Variants in TTC28 observed in about 807,000 individuals in gnomAD.
The protein encoded by TTC28 is tetratricopeptide repeat domain 28.
TTC28 carries 61 observed loss-of-function variants against 198.0 expected under a neutral mutation model. The ratio of observed to expected loss-of-function variants is 0.31; its 90% CI spans 0.25 to 0.38. TTC28 has a LOEUF of 0.38. Among genes scored for constraint, TTC28 ranks in the 10% least tolerant of loss-of-function variants. TTC28 has a pLI of 1.00. For synonymous variants in TTC28, 1,171 were observed against 1,297.8 expected, an observed-to-expected ratio of 0.90 and a Z score of 2.10; for missense variants, 2,678 against 3,164.0, an observed-to-expected ratio of 0.85 and a Z score of 3.69.
rs527275984 is a variant in TTC28, at chr22:28,061,571, G to C, written c.3933-31205C>G. Among the ~76,000 whole-genome samples the C allele has an allele frequency of 9.0e-4, 137 of 152,248 alleles. 1 individual carries two copies. Among genetic ancestry groups the C allele is most frequent in the African/African-American group, 3.1e-3 (130 of 41,550 alleles). ...CTGAGGGCTCTGTTTCGTTCCATTG[G>C]TCTGTATCTCTGTTTTGGTACCAGT... On this transcript the variant is annotated intron_variant, in intron 12 of 22. Transcript: ENST00000397906.
chr22:28,302,149 G>T (rs1285266605), intron 3 of TTC28, among the ~76,000 whole-genome samples: 5 of 151,978 alleles, frequency 3.3e-5, no homozygotes, highest in Admixed American at 6.6e-5. Flanking sequence ...ACTCTGTCAG[G>T]GTAGGTCTGG....
chr22:28,207,251 A>C (rs1926501548), intron 5 of TTC28, among the ~76,000 whole-genome samples: 3 of 151,756 alleles, frequency 2.0e-5, no homozygotes, highest in African/African-American at 4.8e-5. Flanking sequence ...ACAAAAAAAA[A>C]CAGGCCTTCA....
intron 1 of TTC28, among the ~76,000 whole-genome samples, chr22:28,652,564 A>G (rs867814292): frequency 1.3e-5 from 2 of 152,242 alleles, no homozygotes; most frequent in African/African-American, 4.8e-5. Flanking sequence ...CTAAATGTCT[A>G]TGGAAACATT....
intron 2 of TTC28, among the ~76,000 whole-genome samples, chr22:28,504,985 G>T (rs9306458): frequency 0.26 from 39,855 of 151,836 alleles, 6,564 homozygotes; most frequent in South Asian, 0.39. Flanking sequence ...GCCGGGTGCC[G>T]TGACTCACGC....
intron 2 of TTC28, among the ~76,000 whole-genome samples, chr22:28,381,203 G>A (rs1380510551): frequency 6.6e-6 from 1 of 151,928 alleles, no homozygotes; most frequent in Non-Finnish European, 1.5e-5. Flanking sequence ...TGGAAATGAG[G>A]AATTTGAGGT....
chr22:28,600,997 A>G (rs1202691104), intron 2 of TTC28, among the ~76,000 whole-genome samples: 2 of 152,172 alleles, frequency 1.3e-5, no homozygotes, highest in African/African-American at 4.8e-5. Flanking sequence ...AAAAATTATG[A>G]TTCTTACTCA....
At chr22:28,462,283 A>G (rs549857065) in intron 2 of TTC28, among the ~76,000 whole-genome samples, 1 of 152,300 alleles carries the variant, frequency 6.6e-6, no homozygotes, top group Admixed American at 6.5e-5. Flanking sequence ...CAAGTGTTAT[A>G]TGCCACATCT....
At chr22:28,213,684 C>T (rs901876856) in intron 5 of TTC28, among the ~76,000 whole-genome samples, 1 of 148,384 alleles carries the variant, frequency 6.7e-6, no homozygotes, top group Non-Finnish European at 1.5e-5. Flanking sequence ...GAATCAATAT[C>T]ATGAAAATGG....
At chr22:28,648,096 C>T (rs1277222519) in intron 1 of TTC28, among the ~76,000 whole-genome samples, 1 of 150,850 alleles carries the variant, frequency 6.6e-6, no homozygotes, top group Admixed American at 6.6e-5. Flanking sequence ...TGGTAGTGGG[C>T]GCCTGTAGTC....
intron 2 of TTC28, among the ~76,000 whole-genome samples, chr22:28,610,526 G>A (rs1043403088): frequency 2.0e-5 from 3 of 152,134 alleles, no homozygotes; most frequent in Non-Finnish European, 4.4e-5. Context: ...AACAAACAGA[G>A]AGGAATAGCA....
chr22:28,390,238 T>C (rs2046692806), intron 2 of TTC28, among the ~76,000 whole-genome samples: 2 of 152,144 alleles, frequency 1.3e-5, no homozygotes, highest in African/African-American at 4.8e-5. Context: ...TCTTTTACAT[T>C]TGCTGAGGAG....
chr22:28,568,899 C>T (rs1056572326), intron 2 of TTC28, among the ~76,000 whole-genome samples: 2 of 152,098 alleles, frequency 1.3e-5, no homozygotes, highest in Admixed American at 6.5e-5. Flanking sequence ...GTAATCCCAG[C>T]ACTTTGGGAG....
At chr22:28,207,711 G>C (rs1445835961) in intron 5 of TTC28, among the ~76,000 whole-genome samples, 3 of 152,106 alleles carry the variant, frequency 2.0e-5, no homozygotes, top group Admixed American at 6.5e-5. Flanking sequence ...CATGATCCAG[G>C]GACACGTGGG....
chr22:28,373,913 T>C (rs1203419874), intron 2 of TTC28, among the ~76,000 whole-genome samples: 1 of 152,118 alleles, frequency 6.6e-6, no homozygotes, highest in Admixed American at 6.5e-5. Context: ...CAGAAAAAAA[T>C]GGGAAACGTC....
intron 2 of TTC28, among the ~76,000 whole-genome samples, chr22:28,442,482 T>C (rs1163683897): frequency 6.6e-6 from 1 of 152,086 alleles, no homozygotes; most frequent in Non-Finnish European, 1.5e-5. Context: ...GGGAAATAGG[T>C]GTTATAACAC....
At chr22:28,540,147 C>G (rs932211723) in intron 2 of TTC28, among the ~76,000 whole-genome samples, 1 of 151,896 alleles carries the variant, frequency 6.6e-6, no homozygotes, top group Non-Finnish European at 1.5e-5. Flanking sequence ...GGGGTTTCAT[C>G]GTATTAGCCA....
chr22:28,002,726 A>G (rs1937761462), intron 14 of TTC28: 1 of 152,180 alleles, frequency 6.6e-6, no homozygotes, highest in South Asian at 2.1e-4. Flanking sequence ...TGGGCCAGGC[A>G]CCAGTGGCTC....
chr22:28,283,283 A>G (rs2044619191), intron 5 of TTC28, among the ~76,000 whole-genome samples: 1 of 151,906 alleles, frequency 6.6e-6, no homozygotes, highest in Admixed American at 6.6e-5. Flanking sequence ...CTCCTGTACT[A>G]TTAGAAGTAA....
In TTC28 at chr22:27,982,225, C is replaced by CATTT; in HGVS notation, c.7438_7441dup (p.Cys2481Ter). The stretch of plus-strand genomic sequence containing the variant: ...TCAGTGGGTATAAAAGATGCTTTAG[C>CATTT]ATTTGGAAGAAGGGAAAAATCTTCC... On this transcript the variant is annotated stop_gained and frameshift_variant, in exon 23 of 23. Coordinates refer to ENST00000397906, the MANE Select transcript of TTC28 (RefSeq NM_001145418.2). LOFTEE classifies it high-confidence loss of function. The surrounding 1 kb of genome is among the most constrained non-coding windows in gnomAD (Gnocchi z 5.2). 1 of 1,464,884 alleles carries CATTT rather than the reference C, an allele frequency of 6.8e-7. No homozygotes were observed. The highest frequency in any genetic ancestry group is 9.0e-7 in the Non-Finnish European group (1 of 1,107,936). 90.7% of individuals were successfully genotyped at this position (1,464,884 alleles called of 1,614,324 possible).
Sources: allele counts gnomAD v4.1 joint callset (sites outside exome capture counted in the v4.1 genomes callset), GRCh38; gene constraint gnomAD v4.1.1; non-coding constraint Gnocchi (gnomAD v3.1); transcripts MANE v1.5; gene names NCBI Gene and HGNC (gene_info 2026-07-23, HGNC 2026-07-21).